The following OXCT1 variants were observed in gnomAD, a reference collection of about 807,000 sequenced individuals.
OXCT1 encodes 3-oxoacid CoA-transferase 1.
Under a neutral mutation model 69.6 loss-of-function variants are expected in OXCT1, and 27 were observed. The observed-to-expected ratio is 0.39, with a 90% CI of 0.29 to 0.54. The LOEUF (loss-of-function observed/expected upper bound fraction) is 0.54. Among genes scored for constraint, OXCT1 ranks in the 20% least tolerant of loss-of-function variants. OXCT1 has a pLI of 0.72. For synonymous variants in OXCT1, 202 were observed against 217.8 expected (o/e 0.93, Z 0.64); for missense variants, 437 against 650.2 (o/e 0.67, Z 3.57).
chr5:41,771,735 A>G (rs555430403), intron 13 of OXCT1, among the ~76,000 whole-genome samples: 1 of 152,334 alleles, frequency 6.6e-6, no homozygotes, highest in Non-Finnish European at 1.5e-5. Context: ...AGTTTATTGA[A>G]TATAGCTAAG....
chr5:41,732,809 A>G (rs1742700112), intron 16 of OXCT1, among the ~76,000 whole-genome samples: 1 of 152,220 alleles, frequency 6.6e-6, no homozygotes. Flanking sequence ...TAAAAACTGA[A>G]AGAACAGGCA....
At chr5:41,804,324 T>A (rs529834424) in intron 9 of OXCT1, among the ~76,000 whole-genome samples, 22 of 152,188 alleles carry the variant, frequency 1.4e-4, no homozygotes, top group African/African-American at 5.3e-4. Context: ...TTTCATCATA[T>A]TATAGCATTC....
intron 13 of OXCT1, among the ~76,000 whole-genome samples, chr5:41,771,746 C>T (rs1744879799): frequency 6.6e-6 from 1 of 152,138 alleles, no homozygotes; most frequent in Admixed American, 6.5e-5. Context: ...TATAGCTAAG[C>T]ACTGGAGCTT....
At chr5:41,750,597 A>G (rs910545977) in intron 14 of OXCT1, among the ~76,000 whole-genome samples, 1 of 152,090 alleles carries the variant, frequency 6.6e-6, no homozygotes. Context: ...CTAATGTACC[A>G]CATGTGACGC....
intron 1 of OXCT1, among the ~76,000 whole-genome samples, 169 bp from the exon 2 acceptor site, chr5:41,862,919 G>C (rs1004199382): frequency 8.6e-5 from 13 of 151,998 alleles, no homozygotes; most frequent in African/African-American, 3.1e-4. Context: ...TATTTATACA[G>C]GTAATACATG....
intron 8 of OXCT1, 107 bp from the exon 9 acceptor site, chr5:41,805,788 T>A (rs187204037): frequency 5.1e-5 from 39 of 759,896 alleles, no homozygotes. Flanking sequence ...CTCCCATTGT[T>A]ATGAGACAAA....
chr5:41,851,671 T>C (rs772848176), intron 4 of OXCT1, among the ~76,000 whole-genome samples: 6 of 151,938 alleles, frequency 3.9e-5, no homozygotes, highest in African/African-American at 4.8e-5. Context: ...GGCCACTAAG[T>C]TGGGGAAGGA....
At chr5:41,771,475 T>C (rs1744868068) in intron 13 of OXCT1, among the ~76,000 whole-genome samples, 1 of 152,208 alleles carries the variant, frequency 6.6e-6, no homozygotes, top group Non-Finnish European at 1.5e-5. Flanking sequence ...TCACATAGAC[T>C]AACACTCTGA....
chr5:41,787,263 A>G (rs1213430038), intron 13 of OXCT1, among the ~76,000 whole-genome samples: 1 of 152,240 alleles, frequency 6.6e-6, no homozygotes, highest in Non-Finnish European at 1.5e-5. Context: ...TAATGATATT[A>G]AACAGTTAGA....
chr5:41,817,259 G>T (rs1409242475), intron 7 of OXCT1, among the ~76,000 whole-genome samples: 1 of 152,166 alleles, frequency 6.6e-6, no homozygotes, highest in Non-Finnish European at 1.5e-5. Flanking sequence ...ATGATATAAA[G>T]AAAGTACTGG....
intron 7 of OXCT1, among the ~76,000 whole-genome samples, chr5:41,811,176 G>A (rs1416051960): frequency 2.6e-5 from 4 of 151,718 alleles, no homozygotes; most frequent in Admixed American, 2.6e-4. Flanking sequence ...GAGGTGCTCT[G>A]GATGTTAAAA....
intron 14 of OXCT1, 64 bp from the exon 15 acceptor site, chr5:41,749,671 A>G: frequency 2.1e-6 from 2 of 965,864 alleles, no homozygotes; most frequent in Admixed American, 3.6e-5. Flanking sequence ...GAATTGGCAT[A>G]ACTATAGGAT....
chr5:41,835,001 T>C (rs1337860231), intron 7 of OXCT1, among the ~76,000 whole-genome samples: 1 of 149,462 alleles, frequency 6.7e-6, no homozygotes, highest in Admixed American at 6.7e-5. Context: ...AAATTTGAAA[T>C]GAAGAAAATA....
intron 3 of OXCT1, among the ~76,000 whole-genome samples, chr5:41,854,416 G>A (rs1371444348): frequency 3.9e-5 from 6 of 152,042 alleles, no homozygotes; most frequent in Non-Finnish European, 8.8e-5. Context: ...AGAATTTAAA[G>A]CAAAGTCAAT....
intron 5 of OXCT1, among the ~76,000 whole-genome samples, chr5:41,847,339 C>T (rs144523477): frequency 0.18 from 27,941 of 151,408 alleles, 2,767 homozygotes; most frequent in Middle Eastern, 0.28. Flanking sequence ...ACAGCTGAAT[C>T]CTACCAGAGG....
chr5:41,801,516 C>A (rs1208733381), intron 10 of OXCT1, among the ~76,000 whole-genome samples: 1 of 152,002 alleles, frequency 6.6e-6, no homozygotes, highest in Admixed American at 6.6e-5. Context: ...CATAGTGACA[C>A]CCCATTCTCT....
rs896827968 is a variant in OXCT1 at position 41,822,635 on chromosome 5, G to A, written c.733-15197C>T. ...ATTACAGGCGTGTGCCACCATGCCC[G>A]GCTAATTTTTGTATTTTTAGTAGAG... On this transcript the variant is annotated intron_variant, in intron 7 of 16. Transcript: ENST00000196371. 9.2e-5 allele frequency among the ~76,000 whole-genome samples: 14 copies of A among 151,992 alleles called. No individual in the cohort carries two copies. The East Asian group carries it at 2.3e-3, about 25-fold the overall frequency.
At position 41,763,593 on chromosome 5, in the gene OXCT1, G is replaced by T. The variant is rs4391215; in HGVS notation, c.1249-1393C>A. On this transcript the variant is annotated intron_variant, in intron 13 of 16. Transcript: ENST00000196371. Reference sequence around the variant, plus strand: ...ATTCTAATGAGAAAGTTTGAGATTTGTAGAGCAACAAAAGACACTAAAGCA... The same window carrying T: ...ATTCTAATGAGAAAGTTTGAGATTTTTAGAGCAACAAAAGACACTAAAGCA... Among the ~76,000 whole-genome samples the T allele has an allele frequency of 5.2e-4, 79 of 152,154 alleles. 1 individual carries two copies. Among genetic ancestry groups the T allele is most frequent in the Non-Finnish European group, 9.7e-4 (66 of 68,000 alleles).
At chr5:41,739,744 A>T (rs1037447122) in intron 15 of OXCT1, 4 of 372,274 alleles carry the variant, frequency 1.1e-5, no homozygotes, top group African/African-American at 6.4e-5. Flanking sequence ...GGTGGCAGGC[A>T]CCTGTAGTCC....
Sources: gnomAD v4.1 joint callset for allele counts (sites outside exome capture counted in the v4.1 genomes callset) on GRCh38, gnomAD v4.1.1 for gene constraint, MANE v1.5 for transcripts, NCBI Gene and HGNC (gene_info 2026-07-23, HGNC 2026-07-21) for gene names.